The following GALNT17 variants were observed in gnomAD, a reference collection of about 807,000 sequenced individuals.
The protein encoded by GALNT17 is polypeptide N-acetylgalactosaminyltransferase 17.
A neutral mutation model predicts 63.7 loss-of-function variants in GALNT17; 29 were observed. The observed-to-expected ratio is 0.46, with a 90% CI of 0.34 to 0.62. GALNT17 has a LOEUF of 0.62. Among genes scored for constraint, GALNT17 ranks in the 20% least tolerant of loss-of-function variants. GALNT17 has a pLI of 0.01. For missense variants in GALNT17, 603 were observed against 799.6 expected (o/e 0.75, Z 2.97); for synonymous variants, 305 against 318.3 (o/e 0.96, Z 0.45).
intron 5 of GALNT17, among the ~76,000 whole-genome samples, chr7:71,456,838 G>A (rs770620626): frequency 1.7e-4 from 26 of 152,176 alleles, no homozygotes; most frequent in Non-Finnish European, 3.1e-4. Flanking sequence ...CAAGGTGGAC[G>A]GGGTGCAGCT....
chr7:71,480,361 G>C (rs1393524755), intron 5 of GALNT17, among the ~76,000 whole-genome samples: 1 of 151,408 alleles, frequency 6.6e-6, no homozygotes, highest in East Asian at 2.0e-4. Flanking sequence ...GCACAGTCCT[G>C]GCCATGCCTC....
chr7:71,371,448 T>C (rs907787125), intron 2 of GALNT17, among the ~76,000 whole-genome samples: 3 of 152,232 alleles, frequency 2.0e-5, no homozygotes, highest in Admixed American at 6.5e-5. Context: ...TTGTCTCTTT[T>C]GTTATATGAA....
chr7:71,360,496 C>T (rs917437128), intron 2 of GALNT17, among the ~76,000 whole-genome samples: 5 of 152,178 alleles, frequency 3.3e-5, no homozygotes, highest in Non-Finnish European at 2.9e-5. Flanking sequence ...TGCAGATATA[C>T]AAGCCACGAC....
rs531124910 is a variant in GALNT17, at chr7:71,565,290, G to C, written c.963-5995G>C. 9.9e-4 allele frequency among the ~76,000 whole-genome samples: 151 copies of C among 151,888 alleles called. 1 individual carries two copies. The highest frequency in any genetic ancestry group is 3.5e-3 in the African/African-American group (146 of 41,402). On this transcript the variant is annotated intron_variant, in intron 5 of 10. Transcript: ENST00000333538. ...TCAAGAAAAAAAAAATCAGGCTCCTGACGGGGAAAGATGTTGCCCAAAGGG... is the reference window on the plus strand; with the variant it reads ...TCAAGAAAAAAAAAATCAGGCTCCTCACGGGGAAAGATGTTGCCCAAAGGG...
intron 5 of GALNT17, among the ~76,000 whole-genome samples, chr7:71,423,915 C>T (rs931757333): frequency 1.3e-5 from 2 of 152,116 alleles, no homozygotes; most frequent in Non-Finnish European, 2.9e-5. Context: ...GAAGGAGACC[C>T]TGTCACAAAT....
intron 5 of GALNT17, among the ~76,000 whole-genome samples, chr7:71,454,528 C>T (rs185513938): frequency 6.6e-6 from 1 of 152,212 alleles, no homozygotes; most frequent in Non-Finnish European, 1.5e-5. Flanking sequence ...TGCAGCCTTC[C>T]CAGGCCATTC....
chr7:71,274,915 C>G (rs974571514), intron 1 of GALNT17, among the ~76,000 whole-genome samples: 7 of 152,168 alleles, frequency 4.6e-5, no homozygotes, highest in Non-Finnish European at 8.8e-5. Flanking sequence ...CATTGTTATA[C>G]TACTGATGGG....
chr7:71,301,210 C>T (rs947014931), intron 1 of GALNT17, among the ~76,000 whole-genome samples: 5 of 151,786 alleles, frequency 3.3e-5, no homozygotes, highest in South Asian at 2.1e-4. Context: ...TCCCTTCAGC[C>T]GAGGAGTTCG....
At chr7:71,186,861 C>G (rs1285962802) in intron 1 of GALNT17, among the ~76,000 whole-genome samples, 1 of 152,190 alleles carries the variant, frequency 6.6e-6, no homozygotes, top group Non-Finnish European at 1.5e-5. Flanking sequence ...AAGGCTGGGC[C>G]TGCTGTAGCC....
At chr7:71,231,635 G>A (rs568728874) in intron 1 of GALNT17, among the ~76,000 whole-genome samples, 1 of 151,642 alleles carries the variant, frequency 6.6e-6, no homozygotes, top group East Asian at 1.9e-4. Flanking sequence ...TTCCTGGTTT[G>A]CAGTTGGTTA....
chr7:71,381,902 G>A (rs1792853723), intron 2 of GALNT17, among the ~76,000 whole-genome samples: 1 of 152,164 alleles, frequency 6.6e-6, no homozygotes, highest in Non-Finnish European at 1.5e-5. Context: ...GTAAGAAAAG[G>A]GGAGAAGAGG....
chr7:71,240,841 T>G (rs889019055), intron 1 of GALNT17, among the ~76,000 whole-genome samples: 37 of 152,028 alleles, frequency 2.4e-4, no homozygotes, highest in African/African-American at 8.5e-4. Flanking sequence ...ATTTTTTGTA[T>G]TTTTAGTAGA....
intron 1 of GALNT17, among the ~76,000 whole-genome samples, chr7:71,209,394 G>A (rs940651942): frequency 3.9e-5 from 6 of 152,166 alleles, no homozygotes; most frequent in Non-Finnish European, 8.8e-5. Flanking sequence ...TCTTAATTAT[G>A]TATTTATTTG....
intron 1 of GALNT17, among the ~76,000 whole-genome samples, chr7:71,252,221 CAAA>C (rs11366800): frequency 3.3e-4 from 40 of 121,716 alleles, no homozygotes; most frequent in Admixed American, 4.0e-4. Flanking sequence ...TCCTGAAACT[CAAA>C]AAAAAAAAAA....
intron 1 of GALNT17, among the ~76,000 whole-genome samples, chr7:71,297,255 G>T (rs975994333): frequency 2.0e-5 from 3 of 152,058 alleles, no homozygotes; most frequent in Non-Finnish European, 4.4e-5. Flanking sequence ...ACCAAAAGAC[G>T]CCTGGGGCCG....
intron 1 of GALNT17, among the ~76,000 whole-genome samples, chr7:71,192,421 AG>A: frequency 6.7e-6 from 1 of 148,458 alleles, no homozygotes; most frequent in South Asian, 2.1e-4. Context: ...TTGGAGGTGG[AG>A]TCTTACTCTG....
rs536336846 is a variant in GALNT17, at chr7:71,498,927, C to G, written c.963-72358C>G. 1.5e-4 allele frequency among the ~76,000 whole-genome samples: 23 copies of G among 152,302 alleles called. 1 individual carries two copies. In the South Asian group the frequency reaches 4.8e-3, roughly 32 times the overall value. On this transcript the variant is annotated intron_variant, in intron 5 of 10. Coordinates refer to ENST00000333538, the MANE Select transcript of GALNT17 (RefSeq NM_022479.3). ...CTCTGAGTTAAGCTACCTTTGAGGA[C>G]ATGGTGACATTTAATGCTAAAAGCA...
intron 4 of GALNT17, among the ~76,000 whole-genome samples, chr7:71,420,249 C>T (rs573691106): frequency 9.2e-5 from 14 of 152,286 alleles, no homozygotes; most frequent in Admixed American, 5.9e-4. Context: ...GCTGCAGCCT[C>T]GAGCTGGGGA....
At chr7:71,710,630 C>A in intron 9 of GALNT17, 131 bp from the exon 10 acceptor site, 1 of 1,046,224 alleles carries the variant, frequency 9.6e-7, no homozygotes, top group Non-Finnish European at 1.4e-6. Flanking sequence ...GAGTGACAGG[C>A]TGGGATGGTG....
Sources: allele counts gnomAD v4.1 joint callset (sites outside exome capture counted in the v4.1 genomes callset), GRCh38; gene constraint gnomAD v4.1.1; transcripts MANE v1.5; gene names NCBI Gene and HGNC (gene_info 2026-07-23, HGNC 2026-07-21).